The following MBNL1 variants were observed in gnomAD, a reference collection of about 807,000 sequenced individuals.
MBNL1 encodes the protein muscleblind-like protein 1.
A neutral mutation model predicts 42.2 loss-of-function variants in MBNL1; 8 were observed. That is an observed-to-expected ratio of 0.19 (90% CI 0.11 to 0.34). The LOEUF is 0.34. MBNL1 is among the 10% of genes least tolerant of loss of function. The pLI is 1.00. For missense variants in MBNL1, 309 were observed against 495.3 expected, an observed-to-expected ratio of 0.62 and a Z score of 3.57; for synonymous variants, 169 against 173.9, an observed-to-expected ratio of 0.97 and a Z score of 0.22.
chr3:152,425,540 G>A lies in MBNL1; in HGVS notation c.346-7177G>A, dbSNP rs1193047932. Among the ~76,000 whole-genome samples, 29 of 151,804 alleles carry A rather than the reference G, an allele frequency of 1.9e-4. 1 individual carries two copies. Among genetic ancestry groups the A allele is most frequent in the Admixed American group, 1.8e-3 (27 of 15,248 alleles). ...AGAGAATCGCTTGAACCTGGGAGGC[G>A]GAGGTTGCAGTGACCCGAGATCACG... On this transcript the variant is annotated intron_variant, in intron 3 of 9. Coordinates refer to ENST00000324210, the MANE Select transcript of MBNL1 (RefSeq NM_021038.5).
At chr3:152,380,526 G>A (rs1378479841) in intron 2 of MBNL1, among the ~76,000 whole-genome samples, 1 of 152,020 alleles carries the variant, frequency 6.6e-6, no homozygotes, top group Admixed American at 6.6e-5. Flanking sequence ...GGTATTGAAA[G>A]AGGTTTTACA....
At chr3:152,412,299 A>G (rs2098599484) in intron 2 of MBNL1, among the ~76,000 whole-genome samples, 1 of 152,200 alleles carries the variant, frequency 6.6e-6, no homozygotes, top group Non-Finnish European at 1.5e-5. Flanking sequence ...TGTCAAATGA[A>G]AATTTATCTG....
At chr3:152,403,932 A>T (rs16864262) in intron 2 of MBNL1, among the ~76,000 whole-genome samples, 25,916 of 152,098 alleles carry the variant, frequency 0.17, 2,465 homozygotes, top group East Asian at 0.26. Flanking sequence ...AGCCAGTGTC[A>T]TTGAGCACAT....
chr3:152,270,433 G>A (rs1305445772), intron 1 of MBNL1, among the ~76,000 whole-genome samples: 2 of 152,122 alleles, frequency 1.3e-5, no homozygotes, highest in African/African-American at 4.8e-5. Flanking sequence ...ATACACAGAG[G>A]GTGTTTAGTA....
chr3:152,388,280 T>C (rs989182848), intron 2 of MBNL1, among the ~76,000 whole-genome samples: 11 of 152,214 alleles, frequency 7.2e-5, no homozygotes, highest in Admixed American at 2.0e-4. Context: ...ATATAAGCCA[T>C]AACTATGGTG....
intron 2 of MBNL1, among the ~76,000 whole-genome samples, chr3:152,312,666 A>G (rs941860067): frequency 6.6e-5 from 10 of 152,228 alleles, no homozygotes; most frequent in African/African-American, 2.4e-4. Flanking sequence ...TTGGTATGTA[A>G]TTCAAACTTA....
intron 1 of MBNL1, among the ~76,000 whole-genome samples, chr3:152,277,461 C>G (rs1208174639): frequency 2.0e-5 from 3 of 152,104 alleles, no homozygotes; most frequent in Non-Finnish European, 4.4e-5. Flanking sequence ...ATTTATACTT[C>G]TCAGACCTTG....
rs750142332 is a variant in MBNL1 at position 152,300,376 on chromosome 3, CTATTA to C, written c.174+14_174+18del. ...GCTTTGATTCATTGAAAGTGAGTAA[CTATTA>C]TATTCTTTTAAGGATATTCAATGAT... On this transcript the variant is annotated intron_variant, in intron 2 of 9. Coordinates refer to ENST00000324210, the MANE Select transcript of MBNL1 (RefSeq NM_021038.5). The C allele has an allele frequency of 6.2e-7, 1 of 1,607,914 alleles. No homozygotes were observed. Among genetic ancestry groups the C allele is most frequent in the South Asian group, 1.1e-5 (1 of 90,874 alleles).
chr3:152,415,583 A>G (rs530106069), intron 3 of MBNL1, among the ~76,000 whole-genome samples: 5 of 152,330 alleles, frequency 3.3e-5, no homozygotes, highest in Non-Finnish European at 5.9e-5. Context: ...TTGTTCTTCT[A>G]TAATTTAAGT....
intron 2 of MBNL1, among the ~76,000 whole-genome samples, chr3:152,261,990 A>G (rs1026211153): frequency 4.6e-5 from 7 of 151,990 alleles, no homozygotes; most frequent in African/African-American, 1.7e-4. Context: ...GTTGAATTTA[A>G]CTGAATGGTT....
intron 2 of MBNL1, among the ~76,000 whole-genome samples, chr3:152,412,179 A>G (rs2098596191): frequency 6.6e-6 from 1 of 152,194 alleles, no homozygotes. Flanking sequence ...CCTTTGTCAA[A>G]CTATAATCAT....
At chr3:152,369,563 T>G (rs188582594) in intron 2 of MBNL1, among the ~76,000 whole-genome samples, 152 of 152,300 alleles carry the variant, frequency 1.0e-3, no homozygotes, top group African/African-American at 3.6e-3. Flanking sequence ...TTATATTGTT[T>G]GGAATAGTTT....
chr3:152,407,723 T>TTAAC (rs1166003207), intron 2 of MBNL1, among the ~76,000 whole-genome samples: 1 of 152,122 alleles, frequency 6.6e-6, no homozygotes, highest in Non-Finnish European at 1.5e-5. Context: ...AGACATGGAA[T>TTAAC]TAACCCAAAT....
chr3:152,393,846 T>C (rs2097819942), intron 2 of MBNL1, among the ~76,000 whole-genome samples: 1 of 152,222 alleles, frequency 6.6e-6, no homozygotes, highest in African/African-American at 2.4e-5. Flanking sequence ...TGTAGTTCAC[T>C]AGTTCTTTGT....
intron 2 of MBNL1, among the ~76,000 whole-genome samples, chr3:152,363,375 GAA>G (rs1208284570): frequency 6.6e-6 from 1 of 152,070 alleles, no homozygotes; most frequent in African/African-American, 2.4e-5. Flanking sequence ...AGACAGCAGG[GAA>G]AAGAGTAAGG....
At chr3:152,253,870 T>C (rs1031175827) in intron 2 of MBNL1, among the ~76,000 whole-genome samples, 1 of 152,202 alleles carries the variant, frequency 6.6e-6, no homozygotes, top group Non-Finnish European at 1.5e-5. Context: ...TCTGTCATTT[T>C]ACCCCATTTT....
upstream of MBNL1, chr3:152,264,516 A>G (rs2036860740): frequency 6.6e-6 from 1 of 152,096 alleles, no homozygotes; most frequent in Admixed American, 6.5e-5. Context: ...TTAAGAAAAA[A>G]AAAAAGACAA....
intron 2 of MBNL1, among the ~76,000 whole-genome samples, chr3:152,369,346 C>A (rs1049206339): frequency 1.4e-4 from 21 of 152,104 alleles, no homozygotes; most frequent in Admixed American, 1.3e-3. Context: ...AGCCTAGCAC[C>A]CCAGGGATGA....
chr3:152,460,881 G>A (rs146649808), intron 9 of MBNL1, among the ~76,000 whole-genome samples: 2 of 152,160 alleles, frequency 1.3e-5, no homozygotes, highest in African/African-American at 4.8e-5. Flanking sequence ...TAGTTACCAT[G>A]GCAAGGAGAT....
Sources: allele counts gnomAD v4.1 joint callset (sites outside exome capture counted in the v4.1 genomes callset), GRCh38; gene constraint gnomAD v4.1.1; transcripts MANE v1.5; gene names NCBI Gene and HGNC (gene_info 2026-07-23, HGNC 2026-07-21).